The following FNTB variants were observed in gnomAD, a reference collection of about 807,000 sequenced individuals.
FNTB encodes the protein protein farnesyltransferase subunit beta.
FNTB carries 27 observed loss-of-function variants against 59.4 expected under a neutral mutation model. The ratio of observed to expected loss-of-function variants is 0.45; its 90% CI spans 0.34 to 0.63. The LOEUF (loss-of-function observed/expected upper bound fraction) is 0.63, where lower values mean the gene tolerates loss of function less well. FNTB is among the 20% of genes least tolerant of loss of function. The pLI, the probability that FNTB is intolerant of heterozygous loss-of-function variation, is 0.02. For missense variants in FNTB, 449 were observed against 559.6 expected (o/e 0.80, Z 1.99); for synonymous variants, 230 against 220.7 (o/e 1.04, Z -0.37).
At chr14:65,022,820 C>T (rs1053298143) in intron 4 of FNTB, among the ~76,000 whole-genome samples, 3 of 152,158 alleles carry the variant, frequency 2.0e-5, no homozygotes, top group Non-Finnish European at 4.4e-5. Context: ...CTTCACAACT[C>T]GTGGACCCTT....
At chr14:65,036,564 A>C (rs1462730421) in intron 7 of FNTB, among the ~76,000 whole-genome samples, 1 of 152,196 alleles carries the variant, frequency 6.6e-6, no homozygotes, top group Non-Finnish European at 1.5e-5. Context: ...GCAGAAATAC[A>C]GAGAAATCAA....
chr14:64,995,821 A>G (rs530766674), intron 1 of FNTB, among the ~76,000 whole-genome samples: 1 of 151,928 alleles, frequency 6.6e-6, no homozygotes, highest in African/African-American at 2.4e-5. Flanking sequence ...ACTTGAAAAC[A>G]TTCTGTACAC....
In FNTB at chr14:65,027,318, C is replaced by T. The variant is rs1399375745; in HGVS notation, c.375-135C>T. The T allele has an allele frequency of 2.9e-6, 4 of 1,380,780 alleles. No individual in the cohort carries two copies. The highest frequency in any genetic ancestry group is 4.2e-5 in the Admixed American group (2 of 47,900). 85.5% of individuals were successfully genotyped at this position (1,380,780 alleles called of 1,614,324 possible). A position where few individuals can be genotyped will look rare whatever the true frequency, so the allele number is the denominator to read the frequency against. On this transcript the variant is annotated intron_variant, in intron 4 of 11. Coordinates refer to ENST00000246166, the MANE Select transcript of FNTB (RefSeq NM_002028.4). The surrounding 1 kb of genome is among the most constrained non-coding windows in gnomAD (Gnocchi z 5.7). Reference sequence around the variant, plus strand: ...CCCTTTGGGGAGAGGTTATATTCAACAAGTGGGAGGAGAGGTTCCCCTCAA... The same window carrying T: ...CCCTTTGGGGAGAGGTTATATTCAATAAGTGGGAGGAGAGGTTCCCCTCAA...
At chr14:65,038,601 C>T (rs908892315) in intron 7 of FNTB, among the ~76,000 whole-genome samples, 8 of 151,716 alleles carry the variant, frequency 5.3e-5, no homozygotes, top group Admixed American at 1.3e-4. Context: ...ACCTGTAATC[C>T]CACGTACTCA....
chr14:65,027,205 T>C lies in FNTB; in HGVS notation c.375-248T>C, dbSNP rs146725596. ...GAAAGTCGGTTTCTTCCCAGCCTTG[T>C]GTTCCCTGCTTCATGACCAACAAGC... On this transcript the variant is annotated intron_variant, in intron 4 of 11. Transcript: ENST00000246166. This position sits in a 1 kb window ranked among gnomAD's most constrained non-coding sequence, Gnocchi z 5.7. Among the ~76,000 whole-genome samples, 600 of 152,332 alleles carry C rather than the reference T, an allele frequency of 3.9e-3. 2 individuals carry two copies. The highest frequency in any genetic ancestry group is 0.014 in the African/African-American group (568 of 41,576).
intron 3 of FNTB, 95 bp from the exon 4 acceptor site, chr14:65,015,530 G>C: frequency 3.1e-6 from 4 of 1,309,322 alleles, no homozygotes; most frequent in Non-Finnish European, 4.3e-6. Flanking sequence ...CCTCCCCCTT[G>C]CCAGGCTGCT....
At chr14:65,018,654 A>G (rs935833019) in intron 4 of FNTB, among the ~76,000 whole-genome samples, 3 of 151,376 alleles carry the variant, frequency 2.0e-5, no homozygotes, top group African/African-American at 7.3e-5. Flanking sequence ...TACTAAAAAT[A>G]TAAAAATTAG....
At position 64,986,938 on chromosome 14, in the gene FNTB, T is replaced by C. The variant is rs755260685; in HGVS notation, c.-16T>C. ...ACGAAGCAGAGTCCTACACACTGTC[T>C]GCTGCTCTCCTGATCATGGCTTCTC... On this transcript the variant is annotated 5_prime_UTR_variant, in exon 1 of 12. Transcript: ENST00000246166. 1.2e-6 allele frequency: 2 copies of C among 1,614,182 alleles called. No homozygotes were observed. Among genetic ancestry groups the C allele is most frequent in the Non-Finnish European group, 1.7e-6 (2 of 1,179,982 alleles).
chr14:65,057,347 T>G (rs993114630), intron 11 of FNTB, among the ~76,000 whole-genome samples: 4 of 152,176 alleles, frequency 2.6e-5, no homozygotes, highest in African/African-American at 9.7e-5. Flanking sequence ...GAGAATCGCT[T>G]GAGCCCAGGT....
intron 9 of FNTB, among the ~76,000 whole-genome samples, chr14:65,051,142 A>G (rs894608299): frequency 3.9e-5 from 6 of 152,160 alleles, no homozygotes; most frequent in Admixed American, 2.6e-4. Context: ...TGTGTCTCTT[A>G]ATGGGTGTTT....
intron 9 of FNTB, among the ~76,000 whole-genome samples, chr14:65,045,740 A>G (rs958999781): frequency 6.6e-6 from 1 of 151,782 alleles, no homozygotes; most frequent in South Asian, 2.1e-4. Context: ...TTAGTTTCTT[A>G]ATTTCCTTTG....
intron 1 of FNTB, among the ~76,000 whole-genome samples, chr14:64,992,284 A>G (rs1594981449): frequency 1.3e-5 from 2 of 152,240 alleles, no homozygotes; most frequent in South Asian, 4.1e-4. Context: ...TTGAAAATAC[A>G]TGTACTTTTA....
In FNTB at chr14:65,027,272, A is replaced by T; in HGVS notation, c.375-181A>T. On this transcript the variant is annotated intron_variant, in intron 4 of 11. Transcript: ENST00000246166. The surrounding 1 kb of genome is among the most constrained non-coding windows in gnomAD (Gnocchi z 5.7). The stretch of plus-strand genomic sequence containing the variant: ...CAGAGGAGGGCAGACAGAAATGATG[A>T]TAGCTGGAGAGAGAATTAAGCCCTT... 5.5e-6 allele frequency: 5 copies of T among 916,102 alleles called. No homozygotes were observed. The highest frequency in any genetic ancestry group is 8.1e-6 in the Non-Finnish European group (5 of 620,426). The allele number at this position is 916,102 out of a possible 1,614,324, so 56.7% of individuals were successfully genotyped here.
intron 1 of FNTB, among the ~76,000 whole-genome samples, chr14:64,992,898 G>A (rs537215722): frequency 2.6e-5 from 4 of 152,240 alleles, no homozygotes; most frequent in Admixed American, 2.6e-4. Context: ...GAGTGCAGTG[G>A]CATGATCATG....
At chr14:64,999,930 G>A (rs1016672232) in intron 1 of FNTB, among the ~76,000 whole-genome samples, 2 of 152,194 alleles carry the variant, frequency 1.3e-5, no homozygotes, top group Admixed American at 6.5e-5. Context: ...CCACCTTGTG[G>A]TATGACATAT....
chr14:65,029,749 G>T lies in FNTB; in HGVS notation c.605+1968G>T, dbSNP rs1005279477. 2.0e-5 allele frequency among the ~76,000 whole-genome samples: 3 copies of T among 152,202 alleles called. No homozygotes were observed. The highest frequency in any genetic ancestry group is 7.2e-5 in the African/African-American group (3 of 41,446). On this transcript the variant is annotated intron_variant, in intron 6 of 11. Transcript: ENST00000246166. This position sits in a 1 kb window ranked among gnomAD's most constrained non-coding sequence, Gnocchi z 4.7. ...GGGAGCAGTGGAGCTGGAGGGACAG[G>T]CTGGGAACAGGCTACAGAGGCCCTG...
chr14:65,013,246 C>G (rs144556776), intron 3 of FNTB, among the ~76,000 whole-genome samples: 11 of 152,208 alleles, frequency 7.2e-5, no homozygotes, highest in African/African-American at 2.6e-4. Flanking sequence ...AACTGGAGAC[C>G]CTGTGCCCTT....
In FNTB at chr14:65,032,636, C is replaced by T; in HGVS notation, c.632C>T (p.Ala211Val). The change falls in exon 7 of 12, where the codon GCC becomes GTC. Residue 211 changes from alanine (A) to valine (V), a missense_variant. Physicochemically the swap from Ala to Val is moderately conservative, Grantham distance 64. This residue lies in a region of FNTB where 337 missense variants were observed against 479.1 expected (regional missense o/e 0.70). Coordinates refer to ENST00000246166, the MANE Select transcript of FNTB (RefSeq NM_002028.4). This position sits in a 1 kb window ranked among gnomAD's most constrained non-coding sequence, Gnocchi z 5.0. ...AGCGCATACTGTGCTGCCTCCGTAGCCTCGCTGACCAACATCATCACTCCA... is the reference window on the plus strand; with the variant it reads ...AGCGCATACTGTGCTGCCTCCGTAGTCTCGCTGACCAACATCATCACTCCA... ...VRSAYCAASVASLTNIITPDL... is the reference protein window; with the variant it reads ...VRSAYCAASVVSLTNIITPDL... 6.2e-7 allele frequency: 1 copy of T among 1,613,982 alleles called. No homozygotes were observed. The highest frequency in any genetic ancestry group is 1.1e-5 in the South Asian group (1 of 91,072).
rs373344117 is a variant in FNTB, at chr14:65,054,044, AAAAG to A, written c.1068-523_1068-520del. Among the ~76,000 whole-genome samples the A allele has an allele frequency of 1.3e-5, 2 of 152,328 alleles. No homozygotes were observed. The highest frequency in any genetic ancestry group is 1.9e-4 in the East Asian group (1 of 5,184). On this transcript the variant is annotated intron_variant, in intron 10 of 11. Transcript: ENST00000246166. The surrounding 1 kb of genome is among the most constrained non-coding windows in gnomAD (Gnocchi z 4.4). ...GTTTCCTTTAATAGTTTAAGGTAAA[AAAAG>A]AAAGAAAAGAAAAAAAATACAGTTC...
Sources: gnomAD v4.1 joint callset for allele counts (sites outside exome capture counted in the v4.1 genomes callset) on GRCh38, gnomAD v4.1.1 for gene constraint, gnomAD v4.1.1 regional missense constraint, Gnocchi (gnomAD v3.1) non-coding constraint, MANE v1.5 for transcripts, NCBI Gene and HGNC (gene_info 2026-07-23, HGNC 2026-07-21) for gene names.